AACS: variants seen among roughly 807,000 people sequenced by gnomAD.
AACS encodes the protein acetoacetyl-CoA synthetase.
In AACS, 69 loss-of-function variants were observed where a neutral mutation model predicts 83.1. The observed-to-expected ratio is 0.83, with a 90% CI of 0.68 to 1.01. The LOEUF is 1.01. Ranked by LOEUF, AACS falls within the 50% of genes least tolerant of loss-of-function variation. The pLI is 0.00. For missense variants in AACS, 866 were observed against 882.2 expected (o/e 0.98, Z 0.23); for synonymous variants, 333 against 343.4 (o/e 0.97, Z 0.33).
Position 125,077,660 on chromosome 12 carries a change from T to A in AACS, c.358+1049T>A, listed in dbSNP as rs373815601. Among the ~76,000 whole-genome samples, 19 of 152,156 alleles carry A rather than the reference T, an allele frequency of 1.2e-4. 1 individual carries two copies. The highest frequency in any genetic ancestry group is 4.6e-4 in the African/African-American group (19 of 41,514). ...TCTAATCATGGAAATAAGGCCAACATACACAGAAACAGTTGACAATCTATA... is the reference window on the plus strand; with the variant it reads ...TCTAATCATGGAAATAAGGCCAACAAACACAGAAACAGTTGACAATCTATA... On this transcript the variant is annotated intron_variant, in intron 3 of 17. Coordinates refer to ENST00000316519, the MANE Select transcript of AACS (RefSeq NM_023928.5).
intron 1 of AACS, 95 bp from the exon 2 acceptor site, chr12:125,073,781 C>G: frequency 9.8e-7 from 1 of 1,023,034 alleles, no homozygotes; most frequent in Non-Finnish European, 1.5e-6. Flanking sequence ...ATTTGGCTCG[C>G]TTGGACATGC....
At chr12:125,115,266 T>G (rs1211057648) in intron 9 of AACS, among the ~76,000 whole-genome samples, 1 of 151,276 alleles carries the variant, frequency 6.6e-6, no homozygotes, top group African/African-American at 2.4e-5. Flanking sequence ...CTGAGTTTTT[T>G]TTTTTTTTTT....
chr12:125,133,935 G>T, intron 14 of AACS, 68 bp from the exon 15 acceptor site: 1 of 1,544,440 alleles, frequency 6.5e-7, no homozygotes, highest in Non-Finnish European at 8.9e-7. Context: ...TACACCCAGC[G>T]TCTGTCCAGG....
At chr12:125,068,949 C>T (rs983704533) in intron 1 of AACS, among the ~76,000 whole-genome samples, 1 of 151,944 alleles carries the variant, frequency 6.6e-6, no homozygotes, top group Non-Finnish European at 1.5e-5. Context: ...AAGCAGTTCT[C>T]CTGCCTCAGC....
Position 125,094,014 on chromosome 12 carries a change from G to A in AACS, c.570+2491G>A, listed in dbSNP as rs1180544480. On this transcript the variant is annotated intron_variant, in intron 5 of 17. Transcript: ENST00000316519. The surrounding 1 kb of genome is among the most constrained non-coding windows in gnomAD (Gnocchi z 4.1). ...CCTGGACACCCGCTGTCGGAGCTGAGTAAGGACCTGGCACAGGTCGACTGC... is the reference window on the plus strand; with the variant it reads ...CCTGGACACCCGCTGTCGGAGCTGAATAAGGACCTGGCACAGGTCGACTGC... Among the ~76,000 whole-genome samples the A allele has an allele frequency of 6.6e-6, 1 of 152,192 alleles. No homozygotes were observed. The highest frequency in any genetic ancestry group is 1.5e-5 in the Non-Finnish European group (1 of 68,042).
chr12:125,085,204 G>T (rs1000918125), intron 3 of AACS, among the ~76,000 whole-genome samples: 1 of 152,176 alleles, frequency 6.6e-6, no homozygotes, highest in Non-Finnish European at 1.5e-5. Flanking sequence ...AGAGAACCTC[G>T]CACGTGCATG....
At chr12:125,090,595 C>T (rs1042112223) in intron 4 of AACS, among the ~76,000 whole-genome samples, 7 of 151,928 alleles carry the variant, frequency 4.6e-5, no homozygotes, top group African/African-American at 7.3e-5. Context: ...ATCATCCATC[C>T]GTCTATACAT....
In AACS at chr12:125,142,569, C is replaced by A. The variant is rs1957517397; in HGVS notation, c.*340C>A. ...CACTCCTGAGCCAAGGTCTTGTCTT[C>A]AACCTCCCCGTCCCGTTGTCCCATT... On this transcript the variant is annotated 3_prime_UTR_variant, in exon 18 of 18. Coordinates refer to ENST00000316519, the MANE Select transcript of AACS (RefSeq NM_023928.5). The A allele has an allele frequency of 1.8e-5, 4 of 223,568 alleles. No individual in the cohort carries two copies. Among genetic ancestry groups the A allele is most frequent in the Non-Finnish European group, 3.5e-5 (4 of 113,422 alleles). 13.8% of individuals were successfully genotyped at this position (223,568 alleles called of 1,614,324 possible). A position where few individuals can be genotyped will look rare whatever the true frequency, so the allele number is the denominator to read the frequency against.
In AACS at chr12:125,134,857, G is replaced by C; in HGVS notation, c.1678+5G>C. On this transcript the variant is annotated splice_donor_5th_base_variant and intron_variant, in intron 16 of 17. Transcript: ENST00000316519. ...GCTCGGAAATCTATAACATTGGTAC[G>C]TGCTTCCCCTCCCTGAGCGTTCTCC... is the stretch of plus-strand genomic sequence containing the variant. 1 of 1,614,102 alleles carries C rather than the reference G, an allele frequency of 6.2e-7. No individual in the cohort carries two copies.
At chr12:125,068,648 G>A (rs1006764470) in intron 1 of AACS, among the ~76,000 whole-genome samples, 1 of 152,090 alleles carries the variant, frequency 6.6e-6, no homozygotes, top group Non-Finnish European at 1.5e-5. Context: ...TACCACTCTT[G>A]AAGGTGATTT....
chr12:125,095,825 G>A (rs1956594064), intron 5 of AACS, among the ~76,000 whole-genome samples: 1 of 152,204 alleles, frequency 6.6e-6, no homozygotes, highest in Admixed American at 6.5e-5. Context: ...TCTGAGTGGA[G>A]CCAGCACAGT....
chr12:125,110,858 T>C (rs1008458157), intron 8 of AACS, among the ~76,000 whole-genome samples: 2 of 152,228 alleles, frequency 1.3e-5, no homozygotes, highest in African/African-American at 4.8e-5. Flanking sequence ...TTGGAATCAT[T>C]TGAAAGCCCT....
intron 14 of AACS, among the ~76,000 whole-genome samples, chr12:125,132,130 C>T (rs567317571): frequency 6.6e-6 from 1 of 152,296 alleles, no homozygotes; most frequent in East Asian, 1.9e-4. Flanking sequence ...AGGAAGACAT[C>T]GTTTCTGCGG....
At chr12:125,098,392 T>C (rs1254582474) in intron 5 of AACS, among the ~76,000 whole-genome samples, 1 of 143,130 alleles carries the variant, frequency 7.0e-6, no homozygotes, top group Non-Finnish European at 1.5e-5. Flanking sequence ...GAACCCTGTC[T>C]AAAAAAAAAA....
intron 4 of AACS, among the ~76,000 whole-genome samples, chr12:125,089,896 A>G (rs1158424174): frequency 7.4e-6 from 1 of 135,688 alleles, no homozygotes; most frequent in African/African-American, 2.7e-5. Context: ...CCATCTACCC[A>G]TTTACCCATT....
chr12:125,102,334 G>A, intron 5 of AACS: 1 of 236,274 alleles, frequency 4.2e-6, no homozygotes, highest in South Asian at 5.7e-5. Flanking sequence ...ACAGGTGTGA[G>A]CCAGCGCGCC....
chr12:125,096,625 A>G (rs947261035), intron 5 of AACS, among the ~76,000 whole-genome samples: 4 of 152,200 alleles, frequency 2.6e-5, no homozygotes, highest in African/African-American at 9.7e-5. Context: ...AGTAAGGACC[A>G]TGGCCTTAGA....
Position 125,098,453 on chromosome 12 carries a change from CT to C in AACS, c.571-4212del, listed in dbSNP as rs796960647. Among the ~76,000 whole-genome samples, 112 of 143,458 alleles carry C rather than the reference CT, an allele frequency of 7.8e-4. 1 individual carries two copies. Among genetic ancestry groups the C allele is most frequent in the East Asian group, 2.0e-3 (10 of 5,012 alleles). The allele number at this position is 143,458 out of a possible 152,430, so 94.1% of individuals were successfully genotyped here. A position where few individuals can be genotyped will look rare whatever the true frequency, so the allele number is the denominator to read the frequency against. On this transcript the variant is annotated intron_variant, in intron 5 of 17. Transcript: ENST00000316519. ...TCTTTTGTTCTGTTTTTCTCATTAC[CT>C]TTTTTTTTTTTTTCTGAGACAGAGT...
chr12:125,073,766 G>C (rs1955941869), intron 1 of AACS, 110 bp from the exon 2 acceptor site: 1 of 810,812 alleles, frequency 1.2e-6, no homozygotes, highest in African/African-American at 1.7e-5. Context: ...TTTCTCCTCA[G>C]ATGAATTTGG....
Sources: gnomAD v4.1 joint callset for allele counts (sites outside exome capture counted in the v4.1 genomes callset) on GRCh38, gnomAD v4.1.1 for gene constraint, Gnocchi (gnomAD v3.1) non-coding constraint, MANE v1.5 for transcripts, NCBI Gene and HGNC (gene_info 2026-07-23, HGNC 2026-07-21) for gene names.